The following KDM1B variants were observed in gnomAD, a reference collection of about 807,000 sequenced individuals.
KDM1B encodes lysine demethylase 1B.
In KDM1B, 63 loss-of-function variants were observed where a neutral mutation model predicts 107.4. The ratio of observed to expected loss-of-function variants is 0.59; its 90% CI spans 0.48 to 0.72. The LOEUF (loss-of-function observed/expected upper bound fraction) is 0.72, where lower values mean the gene tolerates loss of function less well. KDM1B is among the 30% of genes least tolerant of loss of function. KDM1B has a pLI of 0.00. For synonymous variants in KDM1B, 363 were observed against 363.9 expected (o/e 1.00, Z 0.03); for missense variants, 749 against 1,020.8 (o/e 0.73, Z 3.63).
rs1233519496 is a variant in KDM1B, at chr6:18,191,361, C to A, written c.949C>A (p.Leu317Met). 2 of 1,551,054 alleles carry A rather than the reference C, an allele frequency of 1.3e-6. No individual in the cohort carries two copies. Among genetic ancestry groups the A allele is most frequent in the African/African-American group, 1.4e-5 (1 of 73,168 alleles). ...GGCTTTGAGAAACCTCATCCTCGCA[C>A]TGTGGTATACTAACTGCAAAGTAAG... is the stretch of plus-strand genomic sequence containing the variant. ...YLALRNLILALWYTNCKEALT... is the reference protein window; with the variant it reads ...YLALRNLILAMWYTNCKEALT... Residue 317 changes from leucine to methionine, a missense_variant, in exon 10 of 22, where the codon CTG becomes ATG. Physicochemically the swap from Leu to Met is conservative, Grantham distance 15. Coordinates refer to ENST00000650836, the MANE Select transcript of KDM1B (RefSeq NM_001364614.2). The surrounding 1 kb of genome is among the most constrained non-coding windows in gnomAD (Gnocchi z 5.1).
At chr6:18,192,572 T>C (rs1400387030) in intron 10 of KDM1B, among the ~76,000 whole-genome samples, 1 of 152,110 alleles carries the variant, frequency 6.6e-6, no homozygotes, top group Non-Finnish European at 1.5e-5. Flanking sequence ...AGATAGGTGC[T>C]CAGTAAACCA....
intron 14 of KDM1B, among the ~76,000 whole-genome samples, chr6:18,202,399 C>CA (rs144243804): frequency 0.082 from 11,985 of 145,584 alleles, 737 homozygotes; most frequent in East Asian, 0.18. Flanking sequence ...GACCCTATTT[C>CA]AAAAAAAAAA....
At chr6:18,219,344 AT>A (rs1190906374) in intron 21 of KDM1B, among the ~76,000 whole-genome samples, 1 of 152,104 alleles carries the variant, frequency 6.6e-6, no homozygotes, top group Admixed American at 6.6e-5. Context: ...TAAAATAAAG[AT>A]GAGTTTTTTC....
chr6:18,177,066 G>A lies in KDM1B; in HGVS notation c.534+5587G>A, dbSNP rs1485639347. ...TTGGTACCAATTCTTCAAATGTCTGGTAGAATTCTGCTGTGAATCCATCTG... is the reference window on the plus strand; with the variant it reads ...TTGGTACCAATTCTTCAAATGTCTGATAGAATTCTGCTGTGAATCCATCTG... On this transcript the variant is annotated intron_variant, in intron 7 of 21. Coordinates refer to ENST00000650836, the MANE Select transcript of KDM1B (RefSeq NM_001364614.2). 2.6e-5 allele frequency among the ~76,000 whole-genome samples: 4 copies of A among 152,102 alleles called. No individual in the cohort carries two copies. In the East Asian group the frequency reaches 5.8e-4, roughly 22 times the overall value.
intron 2 of KDM1B, among the ~76,000 whole-genome samples, 193 bp downstream of exon 2, chr6:18,156,119 G>A (rs961279562): frequency 1.3e-5 from 2 of 152,220 alleles, no homozygotes; most frequent in African/African-American, 4.8e-5. Context: ...GCGGCCAGGA[G>A]CCCGCACAGC....
intron 21 of KDM1B, among the ~76,000 whole-genome samples, chr6:18,219,135 C>T (rs964735539): frequency 6.6e-6 from 1 of 152,138 alleles, no homozygotes; most frequent in East Asian, 1.9e-4. Flanking sequence ...ATCTCCTGAC[C>T]TCGTGATCTG....
In KDM1B at chr6:18,212,325, G is replaced by C; in HGVS notation, c.1867-163G>C. ...ACTCTTCCCTGTGGTTGCCACTTCTGCTTAGCCAGGCATTGGCACCCTTGT... is the reference window on the plus strand; with the variant it reads ...ACTCTTCCCTGTGGTTGCCACTTCTCCTTAGCCAGGCATTGGCACCCTTGT... On this transcript the variant is annotated intron_variant, in intron 17 of 21. Transcript: ENST00000650836. The surrounding 1 kb of genome is among the most constrained non-coding windows in gnomAD (Gnocchi z 5.2). The C allele has an allele frequency of 6.0e-6, 4 of 663,806 alleles. No individual in the cohort carries two copies. Among genetic ancestry groups the C allele is most frequent in the Admixed American group, 4.5e-5 (2 of 44,608 alleles). 41.1% of individuals were successfully genotyped at this position (663,806 alleles called of 1,614,324 possible). A position where few individuals can be genotyped will look rare whatever the true frequency, so the allele number is the denominator to read the frequency against.
At chr6:18,198,673 A>T (rs1787827788) in intron 12 of KDM1B, among the ~76,000 whole-genome samples, 1 of 150,216 alleles carries the variant, frequency 6.7e-6, no homozygotes, top group African/African-American at 2.4e-5. Flanking sequence ...CGCCCTTTGA[A>T]TCTCATTTCA....
At position 18,212,503 on chromosome 6, in the gene KDM1B, C is replaced by T. The variant is rs749535924; in HGVS notation, c.1882C>T (p.Pro628Ser). The T allele has an allele frequency of 8.7e-6, 14 of 1,610,252 alleles. No individual in the cohort carries two copies. In the South Asian group the frequency reaches 1.1e-4, roughly 13 times the overall value. The change falls in exon 18 of 22, where the codon CCA (proline) becomes TCA (serine). Residue 628 changes from proline (P) to serine (S), a missense_variant. Pro to Ser is a moderately conservative substitution (Grantham distance 74). Coordinates refer to ENST00000650836, the MANE Select transcript of KDM1B (RefSeq NM_001364614.2). The surrounding 1 kb of genome is among the most constrained non-coding windows in gnomAD (Gnocchi z 5.2). ...TTTTCCACAGGTATTAGTCACTGTA[C>T]CACTGGCTTTACTACAGAAAGGTGC... ...YSAQKVLVTV[P>S]LALLQKGAIQ... is the part of the protein sequence containing the mutation.
At position 18,195,729 on chromosome 6, in the gene KDM1B, A is replaced by G. The variant is rs530447285; in HGVS notation, c.970-1328A>G. 3.2e-3 allele frequency among the ~76,000 whole-genome samples: 470 copies of G among 148,134 alleles called. 4 individuals carry two copies. The highest frequency in any genetic ancestry group is 5.4e-3 in the Non-Finnish European group (361 of 67,342). On this transcript the variant is annotated intron_variant, in intron 10 of 21. Coordinates refer to ENST00000650836, the MANE Select transcript of KDM1B (RefSeq NM_001364614.2). ...CAGCCTGGTGACAGAGTGAAACTCC[A>G]TATCAAAAAAAAAAAAAAAGAGAAA...
intron 10 of KDM1B, among the ~76,000 whole-genome samples, chr6:18,193,557 C>T (rs1453502525): frequency 6.6e-6 from 1 of 151,986 alleles, no homozygotes; most frequent in East Asian, 1.9e-4. Context: ...CTGGCTTGGC[C>T]TCCCAAAGTG....
At chr6:18,182,877 C>T (rs1342588149) in intron 7 of KDM1B, among the ~76,000 whole-genome samples, 2 of 152,114 alleles carry the variant, frequency 1.3e-5, no homozygotes, top group African/African-American at 2.4e-5. Context: ...ACTGAACAGA[C>T]GTCCTGCGTT....
In KDM1B at chr6:18,162,748, TA is replaced by T; in HGVS notation, c.216-86del. Reference sequence around the variant, plus strand: ...GTGGAGATAATGCAAAATGGGTTCATAGATGGTGCTTGCAAGATGTTTTTTA... The same window carrying T: ...GTGGAGATAATGCAAAATGGGTTCATGATGGTGCTTGCAAGATGTTTTTTA... On this transcript the variant is annotated intron_variant, in intron 4 of 21. Transcript: ENST00000650836. The surrounding 1 kb of genome is among the most constrained non-coding windows in gnomAD (Gnocchi z 4.1). The T allele has an allele frequency of 1.3e-6, 1 of 757,666 alleles. No homozygotes were observed. The highest frequency in any genetic ancestry group is 2.3e-6 in the Non-Finnish European group (1 of 426,512). The allele number at this position is 757,666 out of a possible 1,614,324, so 46.9% of individuals were successfully genotyped here. A position where few individuals can be genotyped will look rare whatever the true frequency, so the allele number is the denominator to read the frequency against.
rs1447939166 is a variant in KDM1B, at chr6:18,222,695, GCA to G, written c.*706_*707del. The G allele has an allele frequency of 6.5e-5, 10 of 154,972 alleles. No individual in the cohort carries two copies. Among genetic ancestry groups the G allele is most frequent in the Middle Eastern group, 3.4e-3 (1 of 296 alleles). The allele number at this position is 154,972 out of a possible 1,614,324, so 9.6% of individuals were successfully genotyped here. ...TAGGTATTGTATCATTGAGAATGCA[GCA>G]CAGATAGTGTGGGCTTCACACTATA... On this transcript the variant is annotated 3_prime_UTR_variant, in exon 22 of 22. Transcript: ENST00000650836.
intron 7 of KDM1B, among the ~76,000 whole-genome samples, chr6:18,184,717 G>A (rs1786720846): frequency 9.3e-6 from 1 of 107,668 alleles, no homozygotes; most frequent in South Asian, 2.9e-4. Context: ...TGACCTTTGG[G>A]TTGTTTCTAG....
In KDM1B at chr6:18,162,307, G is replaced by A. The variant is rs1785022927; in HGVS notation, c.216-528G>A. ...ACTGTACTCCAGCCTGAGTGACAGA[G>A]CAAGACTCCATCTCAAATAAATAAA... On this transcript the variant is annotated intron_variant, in intron 4 of 21. Transcript: ENST00000650836. This position sits in a 1 kb window ranked among gnomAD's most constrained non-coding sequence, Gnocchi z 4.1. Among the ~76,000 whole-genome samples the A allele has an allele frequency of 6.6e-6, 1 of 152,146 alleles. No individual in the cohort carries two copies. The highest frequency in any genetic ancestry group is 1.5e-5 in the Non-Finnish European group (1 of 68,044).
At chr6:18,166,027 A>T (rs1785274416) in intron 5 of KDM1B, among the ~76,000 whole-genome samples, 1 of 151,992 alleles carries the variant, frequency 6.6e-6, no homozygotes, top group Non-Finnish European at 1.5e-5. Context: ...AAAAGAAAAA[A>T]ATTTAATTTC....
chr6:18,217,532 T>C (rs543051992), intron 20 of KDM1B, among the ~76,000 whole-genome samples: 70 of 151,964 alleles, frequency 4.6e-4, no homozygotes, highest in African/African-American at 4.3e-4. Flanking sequence ...GCGCCTGCCA[T>C]CATGCCTGGC....
At chr6:18,194,333 C>A (rs537454596) in intron 10 of KDM1B, among the ~76,000 whole-genome samples, 1 of 151,808 alleles carries the variant, frequency 6.6e-6, no homozygotes, top group African/African-American at 2.4e-5. Flanking sequence ...CCCCATCCCC[C>A]CAACCATCTT....
Sources: allele counts gnomAD v4.1 joint callset (sites outside exome capture counted in the v4.1 genomes callset), GRCh38; gene constraint gnomAD v4.1.1; non-coding constraint Gnocchi (gnomAD v3.1); transcripts MANE v1.5; gene names NCBI Gene and HGNC (gene_info 2026-07-23, HGNC 2026-07-21).